Variants in TCF4 observed in about 807,000 individuals in gnomAD.
TCF4 encodes the protein transcription factor 4.
A neutral mutation model predicts 82.1 loss-of-function variants in TCF4; 3 were observed. The ratio of observed to expected loss-of-function variants is 0.04; its 90% CI spans 0.02 to 0.09. TCF4 has a LOEUF of 0.09. Ranked by LOEUF, TCF4 falls within the 10% of genes least tolerant of loss-of-function variation. The pLI is 1.00. For missense variants in TCF4, 518 were observed against 852.7 expected (o/e 0.61, Z 4.89); for synonymous variants, 276 against 309.6 (o/e 0.89, Z 1.14).
rs750141871 is a variant in TCF4 at position 55,501,814 on chromosome 18, G to A, written c.146-37677C>T. On this transcript the variant is annotated intron_variant, in intron 3 of 19. Coordinates refer to ENST00000354452, the MANE Select transcript of TCF4 (RefSeq NM_001083962.2). Reference sequence around the variant, plus strand: ...CATCCCCATATCATGAAAAGGCAAAGAGACTGATTTCAGCTGTGTCTTCTT... The same window carrying A: ...CATCCCCATATCATGAAAAGGCAAAAAGACTGATTTCAGCTGTGTCTTCTT... 7.9e-5 allele frequency among the ~76,000 whole-genome samples: 12 copies of A among 152,072 alleles called. No homozygotes were observed. In the South Asian group the frequency reaches 1.7e-3, roughly 21 times the overall value.
intron 6 of TCF4, among the ~76,000 whole-genome samples, chr18:55,392,231 C>T (rs2093178014): frequency 6.6e-6 from 1 of 151,552 alleles, no homozygotes; most frequent in South Asian, 2.1e-4. Context: ...TCCCAAAGTG[C>T]TGGGATTACA....
chr18:55,301,788 T>TAAA (rs10652622), intron 8 of TCF4, among the ~76,000 whole-genome samples: 1,179 of 56,082 alleles, frequency 0.021, 49 homozygotes, highest in African/African-American at 0.024. Context: ...CCAAAAACTG[T>TAAA]AAAAAAAAAA....
At position 55,528,523 on chromosome 18, in the gene TCF4, G is replaced by A. The variant is rs889413648; in HGVS notation, c.145+56757C>T. On this transcript the variant is annotated intron_variant, in intron 3 of 19. Transcript: ENST00000354452. The stretch of plus-strand genomic sequence containing the variant: ...TATTAGTGATTTCTAAAATCTTCTC[G>A]AGTCTAAGATATTCTAACAGTATAT... Among the ~76,000 whole-genome samples the A allele has an allele frequency of 7.9e-5, 12 of 152,020 alleles. No homozygotes were observed. The South Asian group carries it at 8.3e-4, about 11-fold the overall frequency.
chr18:55,233,891 T>C (rs1189602516), intron 16 of TCF4, among the ~76,000 whole-genome samples: 2 of 151,372 alleles, frequency 1.3e-5, no homozygotes, highest in African/African-American at 2.4e-5. Context: ...ATACATATAA[T>C]TGACACTCAG....
intron 10 of TCF4, among the ~76,000 whole-genome samples, chr18:55,272,632 A>G (rs2060624150): frequency 6.6e-6 from 1 of 152,142 alleles, no homozygotes; most frequent in African/African-American, 2.4e-5. Flanking sequence ...ATAAGAATAA[A>G]ATCATGCTTT....
chr18:55,411,335 T>C (rs144309938), intron 5 of TCF4, among the ~76,000 whole-genome samples: 1 of 152,350 alleles, frequency 6.6e-6, no homozygotes, highest in East Asian at 1.9e-4. Flanking sequence ...CCCTATCTTA[T>C]ATTTTTACTG....
chr18:55,588,227 A>G (rs1210880988), upstream of TCF4: 23 of 1,389,676 alleles, frequency 1.7e-5, no homozygotes, highest in Non-Finnish European at 2.1e-5. Context: ...TCTTAACACC[A>G]ACTCTCTTCT....
intron 5 of TCF4, among the ~76,000 whole-genome samples, chr18:55,430,983 AAGCAAAGGGAAAAGGAGTC>A (rs1389331857): frequency 6.6e-6 from 1 of 152,200 alleles, no homozygotes; most frequent in Non-Finnish European, 1.5e-5. Context: ...GCACATTTTG[AAGCAAAGGGAAAAGGAGTC>A]AGGGGAAAGA....
intron 8 of TCF4, among the ~76,000 whole-genome samples, chr18:55,319,586 C>T (rs1433949288): frequency 6.6e-6 from 1 of 151,898 alleles, no homozygotes; most frequent in East Asian, 1.9e-4. Flanking sequence ...AGATACACAT[C>T]ACCAGATTTG....
rs368452785 is a variant in TCF4, at chr18:55,617,091, A to G, written c.286+14207T>C. On this transcript the variant is annotated intron_variant, in intron 2 of 20. Transcript: ENST00000398339. ...TGAATTTGTAAAATTTTAGGGGCTG[A>G]AAAATTACATTTAAATCTCAAATTT... 7.2e-4 allele frequency among the ~76,000 whole-genome samples: 109 copies of G among 152,206 alleles called. 1 individual carries two copies. The highest frequency in any genetic ancestry group is 2.2e-3 in the African/African-American group (93 of 41,516).
At chr18:55,324,637 T>G (rs1209798625) in intron 8 of TCF4, among the ~76,000 whole-genome samples, 1 of 152,150 alleles carries the variant, frequency 6.6e-6, no homozygotes, top group Admixed American at 6.5e-5. Context: ...CTGGACAAGT[T>G]ACCTTGCCAG....
chr18:55,472,338 C>T (rs1051499505), intron 3 of TCF4, among the ~76,000 whole-genome samples: 2 of 152,142 alleles, frequency 1.3e-5, no homozygotes, highest in Admixed American at 1.3e-4. Flanking sequence ...CTGAACCAAA[C>T]GTACATTGAA....
chr18:55,594,356 T>C (rs1270535216), intron 2 of TCF4, among the ~76,000 whole-genome samples: 2 of 152,202 alleles, frequency 1.3e-5, no homozygotes, highest in African/African-American at 2.4e-5. Context: ...TCCTTTTACA[T>C]TGACCAGCTC....
intron 5 of TCF4, among the ~76,000 whole-genome samples, chr18:55,432,235 G>A (rs1186818324): frequency 1.3e-5 from 2 of 152,146 alleles, no homozygotes; most frequent in African/African-American, 2.4e-5. Context: ...CCCAGGAGGC[G>A]GAGGCTGCAG....
intron 11 of TCF4, among the ~76,000 whole-genome samples, chr18:55,261,947 T>C (rs774339694): frequency 1.3e-5 from 2 of 152,204 alleles, no homozygotes; most frequent in Admixed American, 6.5e-5. Flanking sequence ...TTCAAATAAA[T>C]AGAAATTTGA....
At chr18:55,450,790 C>T (rs2095608392) in intron 5 of TCF4, among the ~76,000 whole-genome samples, 1 of 152,182 alleles carries the variant, frequency 6.6e-6, no homozygotes, top group African/African-American at 2.4e-5. Context: ...TTGATGAAAA[C>T]CATGGTACCT....
intron 6 of TCF4, among the ~76,000 whole-genome samples, chr18:55,359,995 G>T (rs1348048): frequency 6.6e-6 from 1 of 152,104 alleles, no homozygotes; most frequent in African/African-American, 2.4e-5. Context: ...CAAAGGGCCC[G>T]GTTCTAAAAA....
At chr18:55,473,194 T>G (rs879837054) in intron 3 of TCF4, among the ~76,000 whole-genome samples, 2 of 152,176 alleles carry the variant, frequency 1.3e-5, no homozygotes, top group Non-Finnish European at 2.9e-5. Flanking sequence ...CTTTTCTTCT[T>G]TTCTTTCCTG....
intron 15 of TCF4, among the ~76,000 whole-genome samples, chr18:55,235,969 G>A (rs1273310767): frequency 6.6e-6 from 1 of 151,982 alleles, no homozygotes; most frequent in African/African-American, 2.4e-5. Context: ...CTATTTAAAG[G>A]CAGCCATGTA....
Sources: gnomAD v4.1 joint callset for allele counts (sites outside exome capture counted in the v4.1 genomes callset) on GRCh38, gnomAD v4.1.1 for gene constraint, MANE v1.5 for transcripts, NCBI Gene and HGNC (gene_info 2026-07-23, HGNC 2026-07-21) for gene names.